The following FSTL5 variants were observed in gnomAD, a reference collection of about 807,000 sequenced individuals.
The protein encoded by FSTL5 is follistatin-related protein 5.
FSTL5 carries 62 observed loss-of-function variants against 89.1 expected under a neutral mutation model. The ratio of observed to expected loss-of-function variants is 0.70; its 90% CI spans 0.57 to 0.86. The LOEUF is 0.86. Among genes scored for constraint, FSTL5 ranks in the 40% least tolerant of loss-of-function variants. The pLI is 0.00. For missense variants in FSTL5, 1,057 were observed against 1,001.6 expected (o/e 1.06, Z -0.75); for synonymous variants, 383 against 346.2 (o/e 1.11, Z -1.18).
chr4:161,641,958 A>C (rs574980063), intron 7 of FSTL5, among the ~76,000 whole-genome samples: 2 of 152,228 alleles, frequency 1.3e-5, no homozygotes, highest in African/African-American at 4.8e-5. Context: ...CAGACAAAAA[A>C]GCTCTAAGGC....
chr4:161,898,119 T>C (rs1347439104), intron 4 of FSTL5, among the ~76,000 whole-genome samples: 1 of 148,260 alleles, frequency 6.7e-6, no homozygotes, highest in African/African-American at 2.4e-5. Flanking sequence ...AATATATTAA[T>C]ATTATAAACA....
At chr4:161,629,356 T>G (rs1735421722) in intron 7 of FSTL5, among the ~76,000 whole-genome samples, 1 of 152,130 alleles carries the variant, frequency 6.6e-6, no homozygotes, top group Admixed American at 6.5e-5. Flanking sequence ...TAATTTTTTT[T>G]TTTGAGACGG....
intron 4 of FSTL5, among the ~76,000 whole-genome samples, chr4:161,784,685 G>A (rs1273045754): frequency 2.0e-5 from 3 of 151,940 alleles, no homozygotes; most frequent in African/African-American, 4.8e-5. Context: ...ACGAAGTCAG[G>A]AGATCGAGAC....
In FSTL5 at chr4:162,117,011, A is replaced by G. The variant is rs560167749; in HGVS notation, c.-16-5599T>C. On this transcript the variant is annotated intron_variant, in intron 1 of 15. Coordinates refer to ENST00000306100, the MANE Select transcript of FSTL5 (RefSeq NM_020116.5). ...TAGAAAGGCTATCACTCTTACAAAG[A>G]TGTAAAAGAAAGTAGTTTAGATGTA... 1.1e-4 allele frequency among the ~76,000 whole-genome samples: 16 copies of G among 152,322 alleles called. No homozygotes were observed. In the South Asian group the frequency reaches 2.9e-3, roughly 28 times the overall value.
At chr4:161,910,884 T>C (rs888401223) in intron 4 of FSTL5, among the ~76,000 whole-genome samples, 1 of 152,222 alleles carries the variant, frequency 6.6e-6, no homozygotes, top group African/African-American at 2.4e-5. Flanking sequence ...CAATTCTTAA[T>C]GTATTATTCT....
chr4:162,018,368 C>T (rs1736977667), intron 3 of FSTL5, among the ~76,000 whole-genome samples: 1 of 152,122 alleles, frequency 6.6e-6, no homozygotes. Flanking sequence ...ATAAGTTTTA[C>T]AGTGTTAGAA....
At chr4:162,015,554 G>A (rs1178786977) in intron 3 of FSTL5, among the ~76,000 whole-genome samples, 1 of 152,176 alleles carries the variant, frequency 6.6e-6, no homozygotes, top group Non-Finnish European at 1.5e-5. Flanking sequence ...GAACCTTGCA[G>A]TGTAATGGGA....
chr4:161,992,962 ATG>A (rs1553989566), intron 3 of FSTL5, among the ~76,000 whole-genome samples: 1 of 128,084 alleles, frequency 7.8e-6, no homozygotes, highest in African/African-American at 3.0e-5. Context: ...CTATATATAT[ATG>A]TGTGTATATA....
intron 3 of FSTL5, among the ~76,000 whole-genome samples, chr4:162,012,961 A>T (rs908705952): frequency 2.0e-5 from 3 of 152,156 alleles, no homozygotes; most frequent in Non-Finnish European, 4.4e-5. Flanking sequence ...AGGTGGGCAG[A>T]TCACATGAGG....
chr4:161,519,012 GCCTAAGTGTC>G (rs1198735038), intron 10 of FSTL5, among the ~76,000 whole-genome samples: 4 of 152,182 alleles, frequency 2.6e-5, no homozygotes, highest in Admixed American at 2.6e-4. Context: ...GCCCAAGGCT[GCCTAAGTGTC>G]CTCACATTGT....
intron 7 of FSTL5, among the ~76,000 whole-genome samples, chr4:161,619,452 G>A (rs1735027731): frequency 6.6e-6 from 1 of 152,074 alleles, no homozygotes; most frequent in Admixed American, 6.5e-5. Context: ...CTGACAAAGG[G>A]CTAATATCCA....
At chr4:161,972,107 T>G (rs1004938218) in intron 3 of FSTL5, among the ~76,000 whole-genome samples, 2 of 152,132 alleles carry the variant, frequency 1.3e-5, no homozygotes, top group African/African-American at 2.4e-5. Context: ...TTCTTTTTCT[T>G]TTTTGAGGGA....
intron 11 of FSTL5, among the ~76,000 whole-genome samples, chr4:161,508,614 T>A (rs959725036): frequency 6.6e-6 from 1 of 152,144 alleles, no homozygotes; most frequent in African/African-American, 2.4e-5. Flanking sequence ...TTCATCATGA[T>A]TTTAATTAAT....
intron 7 of FSTL5, among the ~76,000 whole-genome samples, chr4:161,640,847 C>T (rs1161197382): frequency 1.3e-5 from 2 of 152,130 alleles, no homozygotes; most frequent in Non-Finnish European, 2.9e-5. Flanking sequence ...GAGACACATA[C>T]CTAGACACTT....
At chr4:161,585,956 G>T (rs763540098) in intron 8 of FSTL5, among the ~76,000 whole-genome samples, 6 of 152,184 alleles carry the variant, frequency 3.9e-5, no homozygotes, top group Non-Finnish European at 7.3e-5. Flanking sequence ...TGGATTCAAA[G>T]ACTTGATTAT....
At chr4:161,753,385 T>C (rs1740463784) in intron 6 of FSTL5, among the ~76,000 whole-genome samples, 2 of 152,190 alleles carry the variant, frequency 1.3e-5, no homozygotes, top group African/African-American at 4.8e-5. Flanking sequence ...ACTCAAGTCC[T>C]CTCCCTGTCA....
chr4:161,425,952 C>T (rs7693195), intron 15 of FSTL5, among the ~76,000 whole-genome samples: 23,588 of 148,666 alleles, frequency 0.16, 1,978 homozygotes, highest in East Asian at 0.25. Flanking sequence ...TTTTTTAATT[C>T]TAAATTGGCA....
Position 162,086,796 on chromosome 4 carries a change from A to G in FSTL5, c.126+24475T>C, listed in dbSNP as rs182566290. Among the ~76,000 whole-genome samples the G allele has an allele frequency of 3.7e-3, 564 of 152,166 alleles. 1 individual carries two copies. Among genetic ancestry groups the G allele is most frequent in the Admixed American group, 6.9e-3 (105 of 15,260 alleles). On this transcript the variant is annotated intron_variant, in intron 2 of 15. Coordinates refer to ENST00000306100, the MANE Select transcript of FSTL5 (RefSeq NM_020116.5). ...TTGAACTTCTATTTAGGAAAATAAT[A>G]ACAAAATTTTAGATTTAGAAAGAAG...
rs574197439 is a variant in FSTL5, at chr4:161,821,951, A to T, written c.410-45877T>A. 4.3e-4 allele frequency among the ~76,000 whole-genome samples: 66 copies of T among 152,316 alleles called. 2 individuals are homozygous for T. Among genetic ancestry groups the T allele is most frequent in the Middle Eastern group, 6.8e-3 (2 of 294 alleles). ...CTTTTCTTCTGGGTAGGTACCCAGC[A>T]GTGAAGGATTGCTGGATCAAATGGT... On this transcript the variant is annotated intron_variant, in intron 4 of 15. Coordinates refer to ENST00000306100, the MANE Select transcript of FSTL5 (RefSeq NM_020116.5).
Sources: gnomAD v4.1 joint callset for allele counts (sites outside exome capture counted in the v4.1 genomes callset) on GRCh38, gnomAD v4.1.1 for gene constraint, MANE v1.5 for transcripts, NCBI Gene and HGNC (gene_info 2026-07-23, HGNC 2026-07-21) for gene names.